The following MTPN variants were observed in gnomAD, a reference collection of about 807,000 sequenced individuals.
The protein encoded by MTPN is granule cell differentiation protein.
In MTPN, 2 loss-of-function variants were observed where a neutral mutation model predicts 13.5. That is an observed-to-expected ratio of 0.15 (90% CI 0.06 to 0.47). The LOEUF is 0.47. MTPN is among the 20% of genes least tolerant of loss of function. MTPN has a pLI of 0.97. For missense variants in MTPN, 79 were observed against 137.9 expected, an observed-to-expected ratio of 0.57 and a Z score of 2.14; for synonymous variants, 46 against 51.7, an observed-to-expected ratio of 0.89 and a Z score of 0.48.
intron 1 of MTPN, among the ~76,000 whole-genome samples, chr7:135,963,665 C>T (rs1799561080): frequency 6.6e-6 from 1 of 151,968 alleles, no homozygotes; most frequent in South Asian, 2.1e-4. Flanking sequence ...TGACGTCATC[C>T]TCCCAAATGC....
intron 3 of MTPN, among the ~76,000 whole-genome samples, chr7:135,937,372 C>T (rs996227793): frequency 1.9e-4 from 22 of 116,118 alleles, no homozygotes; most frequent in Non-Finnish European, 1.3e-4. Flanking sequence ...TAACTGGATA[C>T]ACACACACAC....
rs140248352 is a variant in MTPN at position 135,933,848 on chromosome 7, G to A, written c.271-3836C>T. On this transcript the variant is annotated intron_variant, in intron 3 of 3. Coordinates refer to ENST00000393085, the MANE Select transcript of MTPN (RefSeq NM_145808.4). ...GCCTGGTGGGAGGTGACTGGATCAC[G>A]GGTGCTAATGGTTTGGCACCACCCC... 9.9e-5 allele frequency among the ~76,000 whole-genome samples: 15 copies of A among 152,202 alleles called. No individual in the cohort carries two copies. The East Asian group carries it at 2.5e-3, about 26-fold the overall frequency.
At chr7:135,959,817 G>GT (rs11452329) in intron 1 of MTPN, among the ~76,000 whole-genome samples, 16,761 of 143,372 alleles carry the variant, frequency 0.12, 992 homozygotes, top group East Asian at 0.26. Flanking sequence ...ACATCTGCTT[G>GT]TTTTTTTTTT....
chr7:135,977,273 G>T lies in MTPN; in HGVS notation c.-173C>A. 1.5e-6 allele frequency: 1 copy of T among 655,310 alleles called. No homozygotes were observed. The highest frequency in any genetic ancestry group is 1.8e-5 in the African/African-American group (1 of 55,360). The allele number at this position is 655,310 out of a possible 1,614,324, so 40.6% of individuals were successfully genotyped here. A position where few individuals can be genotyped will look rare whatever the true frequency, so the allele number is the denominator to read the frequency against. On this transcript the variant is annotated 5_prime_UTR_variant, in exon 1 of 4. Transcript: ENST00000393085. ...AGGCAGTTGGCCGCGGCGACCGTTC[G>T]GGCGGGAGAAAGAAAGTTCTTTTGC...
intron 3 of MTPN, among the ~76,000 whole-genome samples, chr7:135,942,010 A>G (rs1799219677): frequency 6.6e-6 from 1 of 151,162 alleles, no homozygotes; most frequent in South Asian, 2.1e-4. Flanking sequence ...CAGCCTCCTG[A>G]GTAGCTGAGA....
intron 1 of MTPN, among the ~76,000 whole-genome samples, chr7:135,966,610 G>A (rs1196258463): frequency 1.3e-5 from 2 of 152,088 alleles, no homozygotes; most frequent in South Asian, 2.1e-4. Context: ...AACCACCTGG[G>A]CACAGAAGAG....
At chr7:135,975,818 G>C in intron 1 of MTPN, among the ~76,000 whole-genome samples, 1 of 152,300 alleles carries the variant, frequency 6.6e-6, no homozygotes, top group Non-Finnish European at 1.5e-5. Context: ...AAAAAACTAA[G>C]CAGGTAAGCA....
chr7:135,946,350 A>G, intron 3 of MTPN, among the ~76,000 whole-genome samples: 1 of 151,582 alleles, frequency 6.6e-6, no homozygotes, highest in Non-Finnish European at 1.5e-5. Context: ...GTCTAATAAA[A>G]GCATCCAGAA....
At chr7:135,954,724 C>T (rs576008250) in intron 1 of MTPN, among the ~76,000 whole-genome samples, 3 of 152,096 alleles carry the variant, frequency 2.0e-5, no homozygotes, top group Non-Finnish European at 4.4e-5. Flanking sequence ...GGGAGGATCA[C>T]GAGGTCAGGA....
At chr7:135,930,113 T>TA (rs1396693066) in intron 3 of MTPN, 101 bp from the exon 4 acceptor site, 1 of 1,009,728 alleles carries the variant, frequency 9.9e-7, no homozygotes, top group Non-Finnish European at 1.5e-6. Context: ...CATCAAGAAT[T>TA]AAAAATTCCT....
intron 3 of MTPN, 150 bp downstream of exon 3, chr7:135,950,449 A>T: frequency 1.6e-6 from 1 of 639,656 alleles, no homozygotes; most frequent in Non-Finnish European, 2.8e-6. Flanking sequence ...TTTATGGGCC[A>T]GCTATTTTGA....
At chr7:135,942,961 C>T (rs1048520923) in intron 3 of MTPN, among the ~76,000 whole-genome samples, 1 of 152,178 alleles carries the variant, frequency 6.6e-6, no homozygotes, top group African/African-American at 2.4e-5. Flanking sequence ...TTTGTGAAAC[C>T]TATCAAAACA....
At chr7:135,967,780 A>G (rs530549129) in intron 1 of MTPN, among the ~76,000 whole-genome samples, 2 of 152,290 alleles carry the variant, frequency 1.3e-5, no homozygotes, top group South Asian at 4.1e-4. Context: ...TCAAGTTCTG[A>G]GTGCTTAATT....
chr7:135,938,331 T>C (rs768064597), intron 3 of MTPN, among the ~76,000 whole-genome samples: 2 of 152,060 alleles, frequency 1.3e-5, no homozygotes, highest in Non-Finnish European at 2.9e-5. Flanking sequence ...CTTCAGAAAA[T>C]TTTCTTTAGC....
intron 3 of MTPN, among the ~76,000 whole-genome samples, chr7:135,938,856 T>C (rs1799156944): frequency 6.6e-6 from 1 of 152,128 alleles, no homozygotes; most frequent in Middle Eastern, 3.4e-3. Flanking sequence ...CCCCCGAGGG[T>C]TGGATGCTGG....
At chr7:135,963,286 T>A (rs1799552265) in intron 1 of MTPN, among the ~76,000 whole-genome samples, 1 of 151,974 alleles carries the variant, frequency 6.6e-6, no homozygotes, top group African/African-American at 2.4e-5. Context: ...CCTTTCCTAA[T>A]ACTCTCTCTC....
At chr7:135,935,241 T>C (rs1198526305) in intron 3 of MTPN, among the ~76,000 whole-genome samples, 1 of 150,208 alleles carries the variant, frequency 6.7e-6, no homozygotes, top group African/African-American at 2.5e-5. Flanking sequence ...AATGATTTCT[T>C]TCTTTTTTTT....
chr7:135,948,064 C>T (rs1799311254), intron 3 of MTPN, among the ~76,000 whole-genome samples: 1 of 152,006 alleles, frequency 6.6e-6, no homozygotes, highest in African/African-American at 2.4e-5. Context: ...TCATAATAAT[C>T]CATAAGAATT....
chr7:135,937,370 TACACAC>T (rs35704525), intron 3 of MTPN, among the ~76,000 whole-genome samples: 2,646 of 144,488 alleles, frequency 0.018, 70 homozygotes, highest in African/African-American at 0.061. Flanking sequence ...GCTAACTGGA[TACACAC>T]ACACACACAC....
Sources: gnomAD v4.1 joint callset for allele counts (sites outside exome capture counted in the v4.1 genomes callset) on GRCh38, gnomAD v4.1.1 for gene constraint, MANE v1.5 for transcripts, NCBI Gene and HGNC (gene_info 2026-07-23, HGNC 2026-07-21) for gene names.